Variants in GPC6 observed in about 807,000 individuals in gnomAD.
The protein encoded by GPC6 is glypican 6, also known as glypican-6.
A neutral mutation model predicts 55.2 loss-of-function variants in GPC6; 14 were observed. The ratio of observed to expected loss-of-function variants is 0.25; its 90% CI spans 0.17 to 0.40. GPC6 has a LOEUF of 0.40. GPC6 is among the 10% of genes least tolerant of loss of function. The pLI is 1.00. For synonymous variants in GPC6, 278 were observed against 259.6 expected (o/e 1.07, Z -0.68); for missense variants, 641 against 708.5 (o/e 0.90, Z 1.08).
intron 2 of GPC6, among the ~76,000 whole-genome samples, chr13:93,740,481 A>C (rs951504676): frequency 2.0e-5 from 3 of 152,222 alleles, no homozygotes; most frequent in African/African-American, 7.2e-5. Flanking sequence ...TAATTAGGCC[A>C]GAGTTATGGC....
intron 3 of GPC6, among the ~76,000 whole-genome samples, chr13:94,010,879 A>AT (rs1392354732): frequency 9.9e-5 from 15 of 152,240 alleles, no homozygotes; most frequent in Middle Eastern, 6.8e-3. Context: ...GTCTACTAGG[A>AT]TTTTTCATAG....
intron 2 of GPC6, among the ~76,000 whole-genome samples, chr13:93,615,886 A>G (rs949322846): frequency 1.3e-5 from 2 of 152,136 alleles, no homozygotes; most frequent in Non-Finnish European, 2.9e-5. Context: ...ATGAGCTAAC[A>G]TGGATAATGT....
rs183382779 is a variant in GPC6, at chr13:94,106,587, C to T, written c.877+78693C>T. 2.3e-3 allele frequency among the ~76,000 whole-genome samples: 343 copies of T among 151,634 alleles called. 3 individuals carry two copies. Among genetic ancestry groups the T allele is most frequent in the Non-Finnish European group, 4.0e-3 (274 of 67,932 alleles). ...AGAGATTAAAAGTGTGAAAAAGAGA[C>T]GAGCAATGCATATTATTTCCTTATA... is the stretch of plus-strand genomic sequence containing the variant. On this transcript the variant is annotated intron_variant, in intron 4 of 8. Coordinates refer to ENST00000377047, the MANE Select transcript of GPC6 (RefSeq NM_005708.5).
At chr13:94,141,663 G>C (rs973037307) in intron 4 of GPC6, among the ~76,000 whole-genome samples, 2 of 152,130 alleles carry the variant, frequency 1.3e-5, no homozygotes, top group Admixed American at 1.3e-4. Context: ...CAAATATCTA[G>C]TTAATAATTG....
rs1193467512 is a variant in GPC6 at position 94,102,489 on chromosome 13, C to A, written c.877+74595C>A. On this transcript the variant is annotated intron_variant, in intron 4 of 8. Coordinates refer to ENST00000377047, the MANE Select transcript of GPC6 (RefSeq NM_005708.5). ...TCTGTGGTCCATTAACCAACATGGG[C>A]CTGTTTTCTGACCCTTTTTTTTTTT... Among the ~76,000 whole-genome samples the A allele has an allele frequency of 2.6e-5, 4 of 151,820 alleles. No individual in the cohort carries two copies. The South Asian group carries it at 8.3e-4, about 32-fold the overall frequency.
intron 4 of GPC6, among the ~76,000 whole-genome samples, chr13:94,135,573 C>T (rs550763590): frequency 6.6e-6 from 1 of 152,338 alleles, no homozygotes; most frequent in South Asian, 2.1e-4. Context: ...AAAGTCATGA[C>T]CCACCCACCC....
intron 4 of GPC6, among the ~76,000 whole-genome samples, chr13:94,126,793 T>C (rs151053336): frequency 1.5e-3 from 224 of 152,288 alleles, no homozygotes; most frequent in African/African-American, 5.0e-3. Context: ...CTGAGCTTAT[T>C]TCTCTCTTGA....
chr13:93,985,275 A>G (rs1880973360), intron 3 of GPC6, among the ~76,000 whole-genome samples: 1 of 152,078 alleles, frequency 6.6e-6, no homozygotes, highest in Admixed American at 6.5e-5. Context: ...CGTCTCTACT[A>G]AAAATGCAAA....
At chr13:93,861,185 G>A (rs540972728) in intron 3 of GPC6, among the ~76,000 whole-genome samples, 1 of 151,206 alleles carries the variant, frequency 6.6e-6, no homozygotes, top group East Asian at 2.0e-4. Flanking sequence ...TTACAACTTG[G>A]TGAGAAGATG....
intron 1 of GPC6, among the ~76,000 whole-genome samples, chr13:93,238,295 A>G (rs1876308162): frequency 6.6e-6 from 1 of 151,998 alleles, no homozygotes; most frequent in African/African-American, 2.4e-5. Context: ...TTGGTTAAAT[A>G]TATTCCTTAT....
intron 4 of GPC6, among the ~76,000 whole-genome samples, chr13:94,159,672 A>G (rs1357160821): frequency 6.6e-6 from 1 of 152,188 alleles, no homozygotes; most frequent in Non-Finnish European, 1.5e-5. Flanking sequence ...AACTAAGACT[A>G]GAAAATCAAG....
At chr13:93,621,255 C>T (rs571141025) in intron 2 of GPC6, among the ~76,000 whole-genome samples, 7 of 152,198 alleles carry the variant, frequency 4.6e-5, no homozygotes, top group African/African-American at 7.2e-5. Flanking sequence ...GGTGACCTGG[C>T]GGTGATCCAT....
At position 94,105,791 on chromosome 13, in the gene GPC6, C is replaced by T. The variant is rs542432139; in HGVS notation, c.877+77897C>T. On this transcript the variant is annotated intron_variant, in intron 4 of 8. Coordinates refer to ENST00000377047, the MANE Select transcript of GPC6 (RefSeq NM_005708.5). ...ATCATTTGGAATGGTGAATCTTTACCGGGACAGTTTTGCCCCCTAGGAACA... is the reference window on the plus strand; with the variant it reads ...ATCATTTGGAATGGTGAATCTTTACTGGGACAGTTTTGCCCCCTAGGAACA... Among the ~76,000 whole-genome samples the T allele has an allele frequency of 3.0e-4, 45 of 152,208 alleles. No individual in the cohort carries two copies. The South Asian group carries it at 9.1e-3, about 31-fold the overall frequency.
intron 6 of GPC6, among the ~76,000 whole-genome samples, chr13:94,335,276 A>T (rs1877622574): frequency 6.6e-6 from 1 of 152,362 alleles, no homozygotes; most frequent in Admixed American, 6.5e-5. Context: ...AGCCTTTCAA[A>T]TTAAGGTGGA....
chr13:93,814,247 A>G lies in GPC6; in HGVS notation c.320-15907A>G, dbSNP rs563358690. On this transcript the variant is annotated intron_variant, in intron 2 of 8. Transcript: ENST00000377047. ...CTTATTCTAGATTTATGCCATTAAC[A>G]AATATTACTTGACATATTTCTAGAA... Among the ~76,000 whole-genome samples the G allele has an allele frequency of 2.0e-5, 3 of 152,312 alleles. No individual in the cohort carries two copies. The South Asian group carries it at 6.2e-4, about 32-fold the overall frequency.
chr13:93,825,860 CTT>C (rs1029574657), intron 2 of GPC6, among the ~76,000 whole-genome samples: 8 of 124,186 alleles, frequency 6.4e-5, no homozygotes, highest in African/African-American at 1.5e-4. Context: ...TTATTATTTT[CTT>C]TTTTTTTTTT....
At chr13:93,269,842 A>G (rs1306194536) in intron 1 of GPC6, among the ~76,000 whole-genome samples, 1 of 142,564 alleles carries the variant, frequency 7.0e-6, no homozygotes, top group African/African-American at 2.6e-5. Context: ...CAATGAGCCT[A>G]GATTGCGTCA....
intron 4 of GPC6, among the ~76,000 whole-genome samples, chr13:94,248,407 T>C (rs1566590830): frequency 6.6e-6 from 1 of 152,134 alleles, no homozygotes; most frequent in Non-Finnish European, 1.5e-5. Context: ...GATAAAAATT[T>C]AAAGTAACCA....
At chr13:93,546,009 A>G (rs1305181440) in intron 2 of GPC6, among the ~76,000 whole-genome samples, 1 of 152,250 alleles carries the variant, frequency 6.6e-6, no homozygotes, top group Non-Finnish European at 1.5e-5. Flanking sequence ...TATATTACAA[A>G]TTACGACTGA....
Sources: gnomAD v4.1 joint callset for allele counts (sites outside exome capture counted in the v4.1 genomes callset) on GRCh38, gnomAD v4.1.1 for gene constraint, MANE v1.5 for transcripts, NCBI Gene and HGNC (gene_info 2026-07-23, HGNC 2026-07-21) for gene names.